PLPPR2: variants seen among roughly 807,000 people sequenced by gnomAD.
The protein encoded by PLPPR2 is phospholipid phosphatase related 2.
PLPPR2 carries 11 observed loss-of-function variants against 40.3 expected under a neutral mutation model. The observed-to-expected ratio is 0.27, with a 90% CI of 0.17 to 0.45. The LOEUF (loss-of-function observed/expected upper bound fraction) is 0.45, where lower values mean the gene tolerates loss of function less well. Ranked by LOEUF, PLPPR2 falls within the 20% of genes least tolerant of loss-of-function variation. PLPPR2 has a pLI of 1.00. For synonymous variants in PLPPR2, 260 were observed against 290.8 expected (o/e 0.89, Z 1.08); for missense variants, 497 against 640.7 (o/e 0.78, Z 2.42).
intron 5 of PLPPR2, among the ~76,000 whole-genome samples, chr19:11,360,270 G>A (rs1338338751): frequency 6.9e-6 from 1 of 144,514 alleles, no homozygotes; most frequent in Non-Finnish European, 1.5e-5. Flanking sequence ...TGGGCAACAA[G>A]AGCAAAACTC....
Position 11,364,365 on chromosome 19 carries a change from G to A in PLPPR2, c.1034G>A (p.Arg345His), listed in dbSNP as rs368224754. 7.2e-6 allele frequency: 11 copies of A among 1,519,500 alleles called. No homozygotes were observed. The highest frequency in any genetic ancestry group is 2.3e-5 in the East Asian group (1 of 43,890). 94.1% of individuals were successfully genotyped at this position (1,519,500 alleles called of 1,614,324 possible). A position where few individuals can be genotyped will look rare whatever the true frequency, so the allele number is the denominator to read the frequency against. The part of the protein sequence containing the change: ...LTPSKSQNCA[R>H]RGHLIPSCVS... Reference sequence around the variant, plus strand: ...CCACCAGAGTCGCAGAACTGCGCCCGCCGTGGCCACCTGATCCCCAGCTGT... The same window carrying A: ...CCACCAGAGTCGCAGAACTGCGCCCACCGTGGCCACCTGATCCCCAGCTGT... Residue 345 changes from arginine (R) to histidine (H), a missense_variant, in exon 10 of 10, where the codon CGC (arginine) becomes CAC (histidine). Coordinates refer to ENST00000688289, the MANE Select transcript of PLPPR2 (RefSeq NM_001393892.1). The surrounding 1 kb of genome is among the most constrained non-coding windows in gnomAD (Gnocchi z 5.8).
chr19:11,357,537 C>A, intron 2 of PLPPR2, 123 bp from the exon 3 acceptor site: 2 of 597,460 alleles, frequency 3.3e-6, no homozygotes, highest in Non-Finnish European at 5.6e-6. Context: ...GTCAGGGCCT[C>A]CCCGGGTCTT....
In PLPPR2 at chr19:11,364,533, C is replaced by G. The variant is rs1968142269; in HGVS notation, c.1202C>G (p.Pro401Arg). 2 of 1,535,738 alleles carry G rather than the reference C, an allele frequency of 1.3e-6. No homozygotes were observed. Among genetic ancestry groups the G allele is most frequent in the Non-Finnish European group, 1.7e-6 (2 of 1,146,072 alleles). The change falls in exon 10 of 10, where the codon CCT (proline) becomes CGT (arginine). Residue 401 changes from proline to arginine, a missense_variant. Pro to Arg is a moderately radical substitution (Grantham distance 103). Transcript: ENST00000688289. The surrounding 1 kb of genome is among the most constrained non-coding windows in gnomAD (Gnocchi z 5.8). ...GGCCCCTCGCCTTCCTCCCCTGGAC[C>G]TGGGGGGCCAGGCGGGGGTGGTGGA... ...SQGPSPSSPG[P>R]GGPGGGGGRG...
rs1968028369 is a variant in PLPPR2, at chr19:11,361,053, A to T, written c.392-164A>T. Among the ~76,000 whole-genome samples the T allele has an allele frequency of 6.6e-6, 1 of 152,048 alleles. No homozygotes were observed. Among genetic ancestry groups the T allele is most frequent in the South Asian group, 2.1e-4 (1 of 4,818 alleles). ...GGTCCCTGGGGGCAGGAGGCCTCAG[A>T]GTACCTTCATGGTGGTCTTAAAGGA... On this transcript the variant is annotated intron_variant, in intron 5 of 9. Transcript: ENST00000688289. This position sits in a 1 kb window ranked among gnomAD's most constrained non-coding sequence, Gnocchi z 6.3.
chr19:11,356,132 T>C (rs1967866444), intron 1 of PLPPR2, among the ~76,000 whole-genome samples: 1 of 152,042 alleles, frequency 6.6e-6, no homozygotes, highest in South Asian at 2.1e-4. Context: ...TGCACCTTTC[T>C]TGTGTGGCAT....
At position 11,362,823 on chromosome 19, in the gene PLPPR2, G is replaced by C. The variant is rs1049654192; in HGVS notation, c.840+134G>C. ...CCAATCCCTTAACATTACCCTTCCT[G>C]GATATTCTCATCTGTGAAATGAGAT... On this transcript the variant is annotated intron_variant, in intron 7 of 9. Coordinates refer to ENST00000688289, the MANE Select transcript of PLPPR2 (RefSeq NM_001393892.1). The surrounding 1 kb of genome is among the most constrained non-coding windows in gnomAD (Gnocchi z 5.3). 3 of 1,010,832 alleles carry C rather than the reference G, an allele frequency of 3.0e-6. No homozygotes were observed. The African/African-American group carries it at 4.8e-5, about 16-fold the overall frequency. 62.6% of individuals were successfully genotyped at this position (1,010,832 alleles called of 1,614,324 possible).
At chr19:11,360,184 G>C (rs977391077) in intron 5 of PLPPR2, among the ~76,000 whole-genome samples, 5 of 151,958 alleles carry the variant, frequency 3.3e-5, no homozygotes, top group Non-Finnish European at 2.9e-5. Context: ...CAAAAAATTA[G>C]CTGGGCGTGT....
chr19:11,357,792 C>T, intron 3 of PLPPR2, 53 bp downstream of exon 3: 2 of 1,446,740 alleles, frequency 1.4e-6, no homozygotes, highest in South Asian at 2.5e-5. Flanking sequence ...CTGTCTCTGT[C>T]CAACCTCAGT....
intron 3 of PLPPR2, among the ~76,000 whole-genome samples, chr19:11,358,801 G>A (rs1289592789): frequency 6.8e-6 from 1 of 147,874 alleles, no homozygotes; most frequent in African/African-American, 2.5e-5. Flanking sequence ...TGCAAACTCC[G>A]CCTCCCGGGT....
In PLPPR2 at chr19:11,359,297, C is replaced by T. The variant is rs1217614718; in HGVS notation, c.67-235C>T. Reference sequence around the variant, plus strand: ...CAGGCACGAGCCGCTGCACACGGCCCCTCTGTTTCTGTCTCCTTCTCCTTC... The same window carrying T: ...CAGGCACGAGCCGCTGCACACGGCCTCTCTGTTTCTGTCTCCTTCTCCTTC... On this transcript the variant is annotated intron_variant, in intron 3 of 9. Transcript: ENST00000688289. This position sits in a 1 kb window ranked among gnomAD's most constrained non-coding sequence, Gnocchi z 5.6. Among the ~76,000 whole-genome samples, 1 of 152,098 alleles carries T rather than the reference C, an allele frequency of 6.6e-6. No individual in the cohort carries two copies. Among genetic ancestry groups the T allele is most frequent in the African/African-American group, 2.4e-5 (1 of 41,422 alleles).
chr19:11,362,333 GCCTTTTT>G lies in PLPPR2; in HGVS notation c.664-179_664-173del. ...CTCAATCCCTGACCCCCCCCCCTTTGCCTTTTTGGTCACGCTCCCTGGAAAAGCCCAC... is the reference window on the plus strand; with the variant it reads ...CTCAATCCCTGACCCCCCCCCCTTTGGGTCACGCTCCCTGGAAAAGCCCAC... On this transcript the variant is annotated intron_variant, in intron 6 of 9. Transcript: ENST00000688289. This position sits in a 1 kb window ranked among gnomAD's most constrained non-coding sequence, Gnocchi z 5.3. The G allele has an allele frequency of 1.9e-6, 1 of 534,892 alleles. No individual in the cohort carries two copies. Among genetic ancestry groups the G allele is most frequent in the Non-Finnish European group, 3.3e-6 (1 of 306,266 alleles). 33.1% of individuals were successfully genotyped at this position (534,892 alleles called of 1,614,324 possible). A position where few individuals can be genotyped will look rare whatever the true frequency, so the allele number is the denominator to read the frequency against.
chr19:11,365,142 A>C lies in PLPPR2; in HGVS notation c.*452A>C. ...GAGTGGGTGGGCATGATTCCAGTCA[A>C]TGGGGGACCGCCCGTGTCTAAGCAT... On this transcript the variant is annotated 3_prime_UTR_variant, in exon 10 of 10. Transcript: ENST00000688289. The C allele has an allele frequency of 5.2e-6, 1 of 192,086 alleles. No individual in the cohort carries two copies. Among genetic ancestry groups the C allele is most frequent in the East Asian group, 1.7e-4 (1 of 5,876 alleles). 11.9% of individuals were successfully genotyped at this position (192,086 alleles called of 1,614,324 possible).
Position 11,364,870 on chromosome 19 carries a change from C to G in PLPPR2, c.*180C>G. 1.4e-6 allele frequency: 1 copy of G among 715,658 alleles called. No individual in the cohort carries two copies. The highest frequency in any genetic ancestry group is 2.3e-6 in the Non-Finnish European group (1 of 435,244). The allele number at this position is 715,658 out of a possible 1,614,324, so 44.3% of individuals were successfully genotyped here. A position where few individuals can be genotyped will look rare whatever the true frequency, so the allele number is the denominator to read the frequency against. On this transcript the variant is annotated 3_prime_UTR_variant, in exon 10 of 10. Transcript: ENST00000688289. This position sits in a 1 kb window ranked among gnomAD's most constrained non-coding sequence, Gnocchi z 5.8. ...GCCTCTCTGGCCCTCTGAGATATCC[C>G]GATGGGCACAAATGGAAGGTGCGCA...
chr19:11,358,896 G>A (rs1353405653), intron 3 of PLPPR2, among the ~76,000 whole-genome samples: 1 of 151,956 alleles, frequency 6.6e-6, no homozygotes, highest in Non-Finnish European at 1.5e-5. Flanking sequence ...TGTATTTTTA[G>A]TAGAGACAGG....
In PLPPR2 at chr19:11,361,184, G is replaced by A. The variant is rs750237313; in HGVS notation, c.392-33G>A. On this transcript the variant is annotated intron_variant, in intron 5 of 9. Transcript: ENST00000688289. The surrounding 1 kb of genome is among the most constrained non-coding windows in gnomAD (Gnocchi z 6.3). Reference sequence around the variant, plus strand: ...GAATCAGTGGGAGCATCAGGGCCTGGCGCATGAACCCCTTCCACTATCCCA... The same window carrying A: ...GAATCAGTGGGAGCATCAGGGCCTGACGCATGAACCCCTTCCACTATCCCA... The A allele has an allele frequency of 6.4e-7, 1 of 1,567,678 alleles. No individual in the cohort carries two copies.
In PLPPR2 at chr19:11,362,444, G is replaced by T. The variant is rs1216557012; in HGVS notation, c.664-69G>T. 1.9e-6 allele frequency: 3 copies of T among 1,584,408 alleles called. No homozygotes were observed. Among genetic ancestry groups the T allele is most frequent in the Non-Finnish European group, 2.6e-6 (3 of 1,165,916 alleles). ...CGCTCTGGCCATGCGCTCTAGCCCA[G>T]AAAGGAGCGTCCACTTGGGTTCGGC... On this transcript the variant is annotated intron_variant, in intron 6 of 9. Coordinates refer to ENST00000688289, the MANE Select transcript of PLPPR2 (RefSeq NM_001393892.1). This position sits in a 1 kb window ranked among gnomAD's most constrained non-coding sequence, Gnocchi z 5.3.
chr19:11,360,044 A>C (rs1047746785), intron 5 of PLPPR2, 88 bp downstream of exon 5: 5 of 1,457,438 alleles, frequency 3.4e-6, no homozygotes, highest in Admixed American at 2.5e-5. Flanking sequence ...CAGTCATAAT[A>C]ATTCCAGGCT....
Position 11,361,564 on chromosome 19 carries a change from G to A in PLPPR2, c.663+76G>A. 2.4e-5 allele frequency: 36 copies of A among 1,525,500 alleles called. No homozygotes were observed. Among genetic ancestry groups the A allele is most frequent in the Non-Finnish European group, 3.1e-5 (35 of 1,140,438 alleles). 94.5% of individuals were successfully genotyped at this position (1,525,500 alleles called of 1,614,324 possible). ...GACCAGCAGCTAGGAAGCCGCCAGG[G>A]TTGGAGCCTCTGCTCTTCCACGCCC... On this transcript the variant is annotated intron_variant, in intron 6 of 9. Coordinates refer to ENST00000688289, the MANE Select transcript of PLPPR2 (RefSeq NM_001393892.1). The surrounding 1 kb of genome is among the most constrained non-coding windows in gnomAD (Gnocchi z 6.3).
In PLPPR2 at chr19:11,358,859, C is replaced by T. The variant is rs192541630; in HGVS notation, c.67-673C>T. Among the ~76,000 whole-genome samples, 16 of 151,860 alleles carry T rather than the reference C, an allele frequency of 1.1e-4. No individual in the cohort carries two copies. In the East Asian group the frequency reaches 2.5e-3, roughly 24 times the overall value. ...CCTCCCGAGTAGTTGGGAGTACAGG[C>T]GTCTGCCACCATACCCAGCTAATTT... On this transcript the variant is annotated intron_variant, in intron 3 of 9. Transcript: ENST00000688289.
Sources: allele counts gnomAD v4.1 joint callset (sites outside exome capture counted in the v4.1 genomes callset), GRCh38; gene constraint gnomAD v4.1.1; non-coding constraint Gnocchi (gnomAD v3.1); transcripts MANE v1.5; gene names NCBI Gene and HGNC (gene_info 2026-07-23, HGNC 2026-07-21).